SREBF1: variants seen among roughly 807,000 people sequenced by gnomAD.
SREBF1 encodes sterol regulatory element binding transcription factor 1, also known as sterol regulatory element-binding protein 1.
Under a neutral mutation model 100.1 loss-of-function variants are expected in SREBF1, and 45 were observed. That is an observed-to-expected ratio of 0.45 (90% confidence interval 0.35 to 0.58). SREBF1 has a LOEUF of 0.58. Among genes scored for constraint, SREBF1 ranks in the 20% least tolerant of loss-of-function variants. The pLI is 0.00. For synonymous variants in SREBF1, 657 were observed against 681.8 expected, an observed-to-expected ratio of 0.96 and a Z score of 0.57; for missense variants, 1,324 against 1,539.4, an observed-to-expected ratio of 0.86 and a Z score of 2.34.
rs1339957607 is a variant in SREBF1 at position 17,830,914 on chromosome 17, G to A, written c.91+5813C>T. ...TGTCCACATGGCCCGTGGCTGCTAG[G>A]AGACAAGGTCAGAGGCACTTCCTCT... On this transcript the variant is annotated intron_variant, in intron 1 of 18. Coordinates refer to ENST00000261646, the MANE Select transcript of SREBF1 (RefSeq NM_004176.5). 2.0e-5 allele frequency among the ~76,000 whole-genome samples: 3 copies of A among 152,368 alleles called. No individual in the cohort carries two copies. In the East Asian group the frequency reaches 5.8e-4, roughly 29 times the overall value.
At chr17:17,819,288 C>A in intron 4 of SREBF1, 32 bp downstream of exon 4, 1 of 1,613,548 alleles carries the variant, frequency 6.2e-7, no homozygotes, top group Non-Finnish European at 8.5e-7. Context: ...TGTGTAGACC[C>A]CACTCCCTTA....
intron 1 of SREBF1, among the ~76,000 whole-genome samples, chr17:17,831,362 G>T (rs186942019): frequency 6.6e-6 from 1 of 152,094 alleles, no homozygotes; most frequent in African/African-American, 2.4e-5. Context: ...GTTGTGGCTG[G>T]GCTGGGCATG....
Position 17,822,287 on chromosome 17 carries a change from C to T in SREBF1, c.92-1766G>A, listed in dbSNP as rs60067423. On this transcript the variant is annotated intron_variant, in intron 1 of 18. Coordinates refer to ENST00000261646, the MANE Select transcript of SREBF1 (RefSeq NM_004176.5). ...ATCACCAACCCATTACTCAGTGGAA[C>T]AGACCAAGGCTTAGGGCCAAGCCAG... Among the ~76,000 whole-genome samples the T allele has an allele frequency of 8.1e-3, 1,232 of 152,382 alleles. 12 individuals carry two copies. The highest frequency in any genetic ancestry group is 0.029 in the African/African-American group (1,199 of 41,594).
At chr17:17,814,004 G>A in intron 16 of SREBF1, 1 of 657,894 alleles carries the variant, frequency 1.5e-6, no homozygotes, top group Non-Finnish European at 2.6e-6. Flanking sequence ...GCCTCCAAAG[G>A]GATCCTACCA....
rs2033891307 is a variant in SREBF1, at chr17:17,819,238, C to G, written c.847-4G>C. The G allele has an allele frequency of 6.2e-7, 1 of 1,613,858 alleles. No homozygotes were observed. The highest frequency in any genetic ancestry group is 8.5e-7 in the Non-Finnish European group (1 of 1,180,056). On this transcript the variant is annotated splice_region_variant and splice_polypyrimidine_tract_variant and intron_variant, in intron 4 of 18. Coordinates refer to ENST00000261646, the MANE Select transcript of SREBF1 (RefSeq NM_004176.5). ...TGGTTCCGCCACTCACCAGGGTCTG[C>G]AGGGCCAGGCACATGTTACCAGGTG... is the stretch of plus-strand genomic sequence containing the variant.
rs760938572 is a variant in SREBF1, at chr17:17,820,294, A to G, written c.319T>C (p.Leu107=). 151 of 1,613,680 alleles carry G rather than the reference A, an allele frequency of 9.4e-5. No individual in the cohort carries two copies. Among genetic ancestry groups the G allele is most frequent in the Non-Finnish European group, 1.3e-4 (148 of 1,179,952 alleles). Residue 107 remains leucine (L), a synonymous_variant, in exon 2 of 19, where the codon TTG becomes CTG. Coordinates refer to ENST00000261646, the MANE Select transcript of SREBF1 (RefSeq NM_004176.5). Reference sequence around the variant, plus strand: ...GCGGGCATGGACGGGTACATCTTCAATGGAGTGGGTGCAGGCTGGGGAGGG... The same window carrying G: ...GCGGGCATGGACGGGTACATCTTCAGTGGAGTGGGTGCAGGCTGGGGAGGG... ...LSPPQPAPTP[L]KMYPSMPAFS...
chr17:17,828,090 C>T (rs1251361554), intron 1 of SREBF1, among the ~76,000 whole-genome samples: 1 of 152,196 alleles, frequency 6.6e-6, no homozygotes, highest in Non-Finnish European at 1.5e-5. Flanking sequence ...CAGCAGGGAC[C>T]CCAGTCAGAG....
In SREBF1 at chr17:17,817,894, C is replaced by G; in HGVS notation, c.1206G>C (p.Ser402=). Residue 402 remains serine, a synonymous_variant, in exon 7 of 19, where the codon TCG becomes TCC. Coordinates refer to ENST00000261646, the MANE Select transcript of SREBF1 (RefSeq NM_004176.5). The surrounding 1 kb of genome is among the most constrained non-coding windows in gnomAD (Gnocchi z 6.6). Reference sequence around the variant, plus strand: ...CTGTGTTCCCTCCACTGCCACAGGCCGACACCAGATCCTTCAGAGATTCTG... The same window carrying G: ...CTGTGTTCCCTCCACTGCCACAGGCGGACACCAGATCCTTCAGAGATTCTG... ...HKSKSLKDLV[S]ACGSGGNTDV... 6.2e-7 allele frequency: 1 copy of G among 1,601,756 alleles called. No homozygotes were observed. The highest frequency in any genetic ancestry group is 8.5e-7 in the Non-Finnish European group (1 of 1,179,958).
At chr17:17,827,518 G>A (rs936694838) in intron 1 of SREBF1, among the ~76,000 whole-genome samples, 1 of 152,186 alleles carries the variant, frequency 6.6e-6, no homozygotes, top group East Asian at 1.9e-4. Flanking sequence ...GGAGTCGGCG[G>A]TCCTCGTGTT....
At chr17:17,826,064 G>C (rs2143023773) in intron 1 of SREBF1, among the ~76,000 whole-genome samples, 1 of 152,262 alleles carries the variant, frequency 6.6e-6, no homozygotes, top group African/African-American at 2.4e-5. Flanking sequence ...TGTGTGATGG[G>C]GACAGTCCAC....
chr17:17,812,795 G>T lies in SREBF1; in HGVS notation c.3271C>A (p.Leu1091Met), dbSNP rs1355788962. 6.6e-7 allele frequency: 1 copy of T among 1,523,540 alleles called. No individual in the cohort carries two copies. Among genetic ancestry groups the T allele is most frequent in the Non-Finnish European group, 8.8e-7 (1 of 1,137,238 alleles). 94.4% of individuals were successfully genotyped at this position (1,523,540 alleles called of 1,614,324 possible). A position where few individuals can be genotyped will look rare whatever the true frequency, so the allele number is the denominator to read the frequency against. ...PTRREHAEAL[L>M]LASCYLPPGF... The stretch of plus-strand genomic sequence containing the variant: ...GGGGGCAGGTAGCAGGAGGCCAGCA[G>T]CAAGGCCTCCGCGTGCTCCCGCCGC... Residue 1091 changes from leucine to methionine, a missense_variant, in exon 19 of 19, where the codon CTG becomes ATG. Transcript: ENST00000261646.
chr17:17,815,744 A>T, intron 12 of SREBF1, 116 bp downstream of exon 12: 1 of 1,154,226 alleles, frequency 8.7e-7, no homozygotes, highest in Non-Finnish European at 1.3e-6. Context: ...GCAACAACCC[A>T]TGGCAGGGAG....
At chr17:17,823,433 A>T in intron 1 of SREBF1, 4 of 958,992 alleles carry the variant, frequency 4.2e-6, no homozygotes, top group Non-Finnish European at 6.8e-6. Flanking sequence ...CAAGTTGCGT[A>T]GCCCGCATGC....
rs774182881 is a variant in SREBF1, at chr17:17,816,713, G to C, written c.1791C>G (p.Asp597Glu). 5 of 1,578,966 alleles carry C rather than the reference G, an allele frequency of 3.2e-6. No homozygotes were observed. The East Asian group carries it at 1.2e-4, about 36-fold the overall frequency. Residue 597 changes from aspartate to glutamate, a missense_variant, in exon 10 of 19, where the codon GAC becomes GAG. Physicochemically the swap from Asp to Glu is conservative, Grantham distance 45 (BLOSUM62 2). Transcript: ENST00000261646. The part of the protein sequence containing the change: ...KQADLDLARG[D>E]FAQAAQQLWL... ...ACAGCTGCTGGGCAGCCTGGGCAAA[G>C]TCTCCCTGTGGATGAGGGTTTTCCA...
Position 17,836,740 on chromosome 17 carries a change from C to T in SREBF1, c.78G>A (p.Leu26=). 2 of 1,571,880 alleles carry T rather than the reference C, an allele frequency of 1.3e-6. No individual in the cohort carries two copies. The highest frequency in any genetic ancestry group is 1.7e-6 in the Non-Finnish European group (2 of 1,166,586). ...GCCCTGACGCACCTTCGATGTCGGTCAGCAGCGCCGCGTCCAGATCGCACG... is the reference window on the plus strand; with the variant it reads ...GCCCTGACGCACCTTCGATGTCGGTTAGCAGCGCCGCGTCCAGATCGCACG... ...GEPCDLDAAL[L]TDIEDMLQLI... is the part of the protein sequence containing the mutation. Residue 26 remains leucine (L), a synonymous_variant, in exon 1 of 19, where the codon CTG becomes CTA. Transcript: ENST00000261646.
chr17:17,826,467 C>T (rs1169567067), intron 1 of SREBF1, among the ~76,000 whole-genome samples: 1 of 152,106 alleles, frequency 6.6e-6, no homozygotes, highest in African/African-American at 2.4e-5. Flanking sequence ...CATGGGTGAA[C>T]CGGGCTTCCC....
intron 1 of SREBF1, among the ~76,000 whole-genome samples, chr17:17,829,575 G>A (rs1354348610): frequency 2.0e-5 from 3 of 152,078 alleles, no homozygotes; most frequent in Non-Finnish European, 4.4e-5. Context: ...CACAGAAACC[G>A]CCATCTGTGG....
At chr17:17,813,509 C>T (rs770235804) in intron 17 of SREBF1, 30 bp from the exon 18 acceptor site, 1 of 1,588,394 alleles carries the variant, frequency 6.3e-7, no homozygotes, top group Middle Eastern at 1.7e-4. Flanking sequence ...AGGCTCAGGG[C>T]TCTCCATCTC....
chr17:17,823,667 C>CCA (rs1448204610), intron 1 of SREBF1: 3 of 1,291,998 alleles, frequency 2.3e-6, no homozygotes, highest in Non-Finnish European at 3.2e-6. Context: ...CGCCCCGCCC[C>CCA]GCCCCGCCCC....
Sources: allele counts gnomAD v4.1 joint callset (sites outside exome capture counted in the v4.1 genomes callset), GRCh38; gene constraint gnomAD v4.1.1; non-coding constraint Gnocchi (gnomAD v3.1); transcripts MANE v1.5; gene names NCBI Gene and HGNC (gene_info 2026-07-23, HGNC 2026-07-21).